Variants in LARGE1 observed in about 807,000 individuals in gnomAD.
LARGE1 encodes the protein xylosyl- and glucuronyltransferase LARGE1.
In LARGE1, 43 loss-of-function variants were observed where a neutral mutation model predicts 87.6. That is an observed-to-expected ratio of 0.49 (90% CI 0.38 to 0.63). The LOEUF (loss-of-function observed/expected upper bound fraction) is 0.63, where lower values mean the gene tolerates loss of function less well. LARGE1 is among the 30% of genes least tolerant of loss of function. The pLI, the probability that LARGE1 is intolerant of heterozygous loss-of-function variation, is 0.00. For synonymous variants in LARGE1, 434 were observed against 394.6 expected, an observed-to-expected ratio of 1.10 and a Z score of -1.18; for missense variants, 802 against 1,000.2, an observed-to-expected ratio of 0.80 and a Z score of 2.67.
intron 1 of LARGE1, among the ~76,000 whole-genome samples, chr22:33,805,166 A>G (rs1037158624): frequency 3.3e-5 from 5 of 152,112 alleles, no homozygotes; most frequent in African/African-American, 7.2e-5. Flanking sequence ...CTCATATCCA[A>G]TATCTCAGAA....
At chr22:33,631,924 T>C (rs550514933) in intron 3 of LARGE1, among the ~76,000 whole-genome samples, 2 of 152,330 alleles carry the variant, frequency 1.3e-5, no homozygotes, top group South Asian at 4.1e-4. Context: ...TTTAGCTCCA[T>C]TATGATCTGA....
At chr22:33,303,325 CCA>C (rs888535387) in intron 12 of LARGE1, among the ~76,000 whole-genome samples, 5 of 152,166 alleles carry the variant, frequency 3.3e-5, no homozygotes, top group Non-Finnish European at 5.9e-5. Flanking sequence ...TGTTTCCACC[CCA>C]GTTTCCCTTT....
chr22:33,895,321 A>G (rs1269059819), intron 1 of LARGE1, among the ~76,000 whole-genome samples: 1 of 152,340 alleles, frequency 6.6e-6, no homozygotes, highest in East Asian at 1.9e-4. Context: ...CTAGGATGGA[A>G]TGGACTCAGG....
At chr22:33,900,044 C>T (rs1261011697) in intron 1 of LARGE1, among the ~76,000 whole-genome samples, 2 of 152,192 alleles carry the variant, frequency 1.3e-5, no homozygotes, top group Non-Finnish European at 2.9e-5. Context: ...ACATTCTTAG[C>T]CTCTGCCCCA....
chr22:33,309,706 A>G (rs1935349887), intron 11 of LARGE1, among the ~76,000 whole-genome samples: 1 of 152,198 alleles, frequency 6.6e-6, no homozygotes, highest in Non-Finnish European at 1.5e-5. Flanking sequence ...GGCGTTGTGA[A>G]AAGTCTGGGG....
At chr22:33,150,151 T>C in the LARGE1 span, among the ~76,000 whole-genome samples, 5 of 152,152 alleles carry the variant, frequency 3.3e-5, no homozygotes, top group Non-Finnish European at 7.3e-5. Context: ...GAACTGAAAC[T>C]CACCAGATCA....
At chr22:33,104,921 T>C in the LARGE1 span, among the ~76,000 whole-genome samples, 25 of 90,802 alleles carry the variant, frequency 2.8e-4, no homozygotes, top group East Asian at 1.1e-3. Context: ...CTTTCTTTCT[T>C]TCTTTCTTTC....
intron 1 of LARGE1, among the ~76,000 whole-genome samples, chr22:33,918,007 T>C (rs1260534251): frequency 3.3e-5 from 5 of 152,174 alleles, no homozygotes; most frequent in Non-Finnish European, 7.3e-5. Context: ...TGTAGGTGGC[T>C]GAAGGATGGC....
At chr22:33,308,344 A>G (rs1211041961) in intron 11 of LARGE1, among the ~76,000 whole-genome samples, 2 of 152,184 alleles carry the variant, frequency 1.3e-5, no homozygotes, top group Admixed American at 6.5e-5. Flanking sequence ...GCTGTGTAGC[A>G]TATCACACAG....
intron 1 of LARGE1, among the ~76,000 whole-genome samples, chr22:33,819,165 C>G (rs1250360262): frequency 6.6e-6 from 1 of 152,160 alleles, no homozygotes; most frequent in African/African-American, 2.4e-5. Flanking sequence ...TTCACACGGG[C>G]TCCTGGGGGC....
intron 7 of LARGE1, among the ~76,000 whole-genome samples, chr22:33,428,207 G>T (rs2066946829): frequency 6.6e-6 from 1 of 152,070 alleles, no homozygotes; most frequent in Admixed American, 6.6e-5. Context: ...AAATGCAAGA[G>T]GAGAAAGACC....
intron 1 of LARGE1, among the ~76,000 whole-genome samples, chr22:33,816,657 C>T (rs1035070733): frequency 7.7e-5 from 9 of 116,786 alleles, no homozygotes; most frequent in South Asian, 6.5e-4. Flanking sequence ...TACAGACAGA[C>T]GGATGCACGG....
chr22:33,258,556 G>A (rs185937534), intron 11 of LARGE1, among the ~76,000 whole-genome samples: 2 of 152,108 alleles, frequency 1.3e-5, no homozygotes, highest in African/African-American at 2.4e-5. Context: ...CAGAAAGTTC[G>A]GTATTTCTAG....
At chr22:33,582,961 C>T (rs369083442) in intron 5 of LARGE1, among the ~76,000 whole-genome samples, 7 of 152,334 alleles carry the variant, frequency 4.6e-5, no homozygotes, top group South Asian at 4.1e-4. Flanking sequence ...GTGCCCCCTG[C>T]GGATACTGTA....
intron 9 of LARGE1, among the ~76,000 whole-genome samples, chr22:33,348,710 C>T (rs1200413765): frequency 4.6e-5 from 7 of 151,310 alleles, no homozygotes; most frequent in Non-Finnish European, 1.0e-4. Flanking sequence ...GAGAAATTTG[C>T]TTTTTGTTTT....
At chr22:33,671,166 G>A (rs2081398590) in intron 2 of LARGE1, among the ~76,000 whole-genome samples, 1 of 152,186 alleles carries the variant, frequency 6.6e-6, no homozygotes, top group Non-Finnish European at 1.5e-5. Flanking sequence ...TTTATCCTGA[G>A]GCCAGGGGGA....
At chr22:33,382,443 G>A (rs532434559) in intron 8 of LARGE1, among the ~76,000 whole-genome samples, 1 of 152,300 alleles carries the variant, frequency 6.6e-6, no homozygotes, top group East Asian at 1.9e-4. Flanking sequence ...ACTGCATGAT[G>A]ACAAGTAGCC....
intron 7 of LARGE1, among the ~76,000 whole-genome samples, chr22:33,413,851 G>T (rs74564881): frequency 0.044 from 6,626 of 152,228 alleles, 486 homozygotes; most frequent in African/African-American, 0.15. Context: ...TGCCATCCAT[G>T]TTGTCACAGA....
chr22:33,335,470 G>A (rs1178658766), intron 10 of LARGE1, among the ~76,000 whole-genome samples: 2 of 152,196 alleles, frequency 1.3e-5, no homozygotes, highest in East Asian at 1.9e-4. Context: ...AAGGCCAGGC[G>A]AGTACATGCC....
Sources: gnomAD v4.1 joint callset for allele counts (sites outside exome capture counted in the v4.1 genomes callset) on GRCh38, gnomAD v4.1.1 for gene constraint, MANE v1.5 for transcripts, NCBI Gene and HGNC (gene_info 2026-07-23, HGNC 2026-07-21) for gene names.